KSR1: variants seen among roughly 807,000 people sequenced by gnomAD.
KSR1 encodes kinase suppressor of ras.
Under a neutral mutation model 92.9 loss-of-function variants are expected in KSR1, and 35 were observed. That is an observed-to-expected ratio of 0.38 (90% confidence interval 0.29 to 0.50). The LOEUF is 0.50. KSR1 is among the 20% of genes least tolerant of loss of function. The probability of loss-of-function intolerance (pLI) is 0.94; values close to 1 mark genes in which losing one functional copy is unlikely to be tolerated. For synonymous variants in KSR1, 467 were observed against 472.6 expected (o/e 0.99, Z 0.15); for missense variants, 972 against 1,158.5 (o/e 0.84, Z 2.34).
intron 19 of KSR1, among the ~76,000 whole-genome samples, chr17:27,620,000 C>T (rs561298938): frequency 5.3e-5 from 8 of 152,324 alleles, no homozygotes; most frequent in Non-Finnish European, 1.0e-4. Context: ...GCCCGGCCTT[C>T]GGGCCCTGTC....
At chr17:27,499,038 G>C (rs945135651) in intron 1 of KSR1, among the ~76,000 whole-genome samples, 2 of 152,188 alleles carry the variant, frequency 1.3e-5, no homozygotes, top group African/African-American at 4.8e-5. Context: ...GCACCAGCCT[G>C]TTGGTTTTAG....
chr17:27,466,049 CTGCGGATGAGG>C (rs1291693911), intron 1 of KSR1, among the ~76,000 whole-genome samples: 2 of 152,234 alleles, frequency 1.3e-5, no homozygotes, highest in East Asian at 3.9e-4. Context: ...CTGAAGATCC[CTGCGGATGAGG>C]ATTTGTGTTT....
rs1366134401 is a variant in KSR1, at chr17:27,625,713, C to G, written c.*2321C>G. On this transcript the variant is annotated 3_prime_UTR_variant, in exon 21 of 21. Coordinates refer to ENST00000644974, the MANE Select transcript of KSR1 (RefSeq NM_001394583.1). ...TGTGCTCTCTCCACACGAAGGATGA[C>G]AGATACTGTGAATTCAGCCCTCACG... 5 of 152,116 alleles carry G rather than the reference C, an allele frequency of 3.3e-5. No individual in the cohort carries two copies. The highest frequency in any genetic ancestry group is 1.2e-4 in the African/African-American group (5 of 41,390). The allele number at this position is 152,116 out of a possible 1,614,324, so 9.4% of individuals were successfully genotyped here. A position where few individuals can be genotyped will look rare whatever the true frequency, so the allele number is the denominator to read the frequency against.
In KSR1 at chr17:27,613,344, G is replaced by A. The variant is rs576125470; in HGVS notation, c.2493+1715G>A. On this transcript the variant is annotated intron_variant, in intron 18 of 20. Transcript: ENST00000644974. ...GCTAAAATCCAGGTTCTTGTCTCAT[G>A]ACCAGGAAAAATTAGGCATGCGGAC... 4 of 152,396 alleles carry A rather than the reference G, an allele frequency of 2.6e-5. No homozygotes were observed. The East Asian group carries it at 7.7e-4, about 29-fold the overall frequency. The allele number at this position is 152,396 out of a possible 1,614,324, so 9.4% of individuals were successfully genotyped here.
intron 1 of KSR1, among the ~76,000 whole-genome samples, chr17:27,464,304 G>T (rs956290933): frequency 1.2e-4 from 18 of 152,226 alleles, no homozygotes; most frequent in African/African-American, 4.3e-4. Flanking sequence ...TGCTCAGTGG[G>T]CTGGCTCAGC....
chr17:27,586,795 T>G (rs1343836502), intron 5 of KSR1, among the ~76,000 whole-genome samples: 1 of 152,228 alleles, frequency 6.6e-6, no homozygotes, highest in Non-Finnish European at 1.5e-5. Flanking sequence ...AGGTGGCTTT[T>G]GGGGCTAATT....
intron 1 of KSR1, among the ~76,000 whole-genome samples, chr17:27,482,578 C>G (rs770677656): frequency 1.4e-4 from 22 of 152,186 alleles, no homozygotes; most frequent in Non-Finnish European, 2.1e-4. Flanking sequence ...TACAAATCAC[C>G]TAAATATCCA....
intron 1 of KSR1, among the ~76,000 whole-genome samples, chr17:27,507,563 C>CT (rs751092460): frequency 0.036 from 1,570 of 43,328 alleles, 586 homozygotes; most frequent in African/African-American, 0.059. Flanking sequence ...TATTGTTTGG[C>CT]TTTTTTTTTT....
At chr17:27,562,754 A>G (rs1166959935) in intron 2 of KSR1, among the ~76,000 whole-genome samples, 1 of 152,226 alleles carries the variant, frequency 6.6e-6, no homozygotes, top group Non-Finnish European at 1.5e-5. Flanking sequence ...AAAAAATAGC[A>G]CATAAATTTC....
At chr17:27,576,625 G>T (rs1262379003) in intron 2 of KSR1, among the ~76,000 whole-genome samples, 1 of 152,204 alleles carries the variant, frequency 6.6e-6, no homozygotes, top group Non-Finnish European at 1.5e-5. Context: ...AGACAGTGTG[G>T]AGACGCTGGA....
At chr17:27,471,852 C>T (rs905895224) in intron 1 of KSR1, among the ~76,000 whole-genome samples, 2 of 152,148 alleles carry the variant, frequency 1.3e-5, no homozygotes, top group East Asian at 1.9e-4. Flanking sequence ...CTCATCAGGC[C>T]GCGCAGCTGA....
chr17:27,464,742 A>G (rs2019605089), intron 1 of KSR1, among the ~76,000 whole-genome samples: 1 of 151,526 alleles, frequency 6.6e-6, no homozygotes, highest in Admixed American at 6.6e-5. Flanking sequence ...ATCCTTGCAG[A>G]TTTTGCATTC....
At chr17:27,592,930 A>G (rs887695850) in intron 9 of KSR1, among the ~76,000 whole-genome samples, 9 of 152,198 alleles carry the variant, frequency 5.9e-5, no homozygotes, top group African/African-American at 2.2e-4. Context: ...TCTGAAGGGT[A>G]CATATGGATC....
intron 2 of KSR1, among the ~76,000 whole-genome samples, chr17:27,554,044 A>G (rs1016002955): frequency 6.6e-6 from 1 of 152,142 alleles, no homozygotes; most frequent in African/African-American, 2.4e-5. Context: ...GCCCTGATGG[A>G]TTCTGTGTGC....
At chr17:27,488,838 C>G (rs2068740696) in intron 1 of KSR1, among the ~76,000 whole-genome samples, 1 of 152,204 alleles carries the variant, frequency 6.6e-6, no homozygotes, top group South Asian at 2.1e-4. Context: ...GTGGCGCATG[C>G]CTGCAGTCCC....
intron 1 of KSR1, among the ~76,000 whole-genome samples, chr17:27,503,503 C>T (rs117920143): frequency 1.7e-3 from 255 of 152,304 alleles, no homozygotes; most frequent in Middle Eastern, 3.4e-3. Flanking sequence ...GTTCGAGATT[C>T]TCTGATCTAA....
At chr17:27,566,188 C>T (rs1282376490) in intron 2 of KSR1, among the ~76,000 whole-genome samples, 1 of 152,108 alleles carries the variant, frequency 6.6e-6, no homozygotes, top group East Asian at 1.9e-4. Flanking sequence ...CAGGGAAAAC[C>T]TCTTGGTGGC....
intron 19 of KSR1, among the ~76,000 whole-genome samples, chr17:27,619,101 G>A (rs1335678280): frequency 6.6e-6 from 1 of 152,134 alleles, no homozygotes; most frequent in Non-Finnish European, 1.5e-5. Flanking sequence ...AGAGTGAGGG[G>A]AAGAGCCTTT....
intron 20 of KSR1, chr17:27,621,926 T>C (rs374979010): frequency 9.9e-6 from 16 of 1,613,650 alleles, no homozygotes; most frequent in Admixed American, 6.7e-5. Flanking sequence ...TTTCCCTCTG[T>C]AGGTTGTAGG....
Sources: allele counts gnomAD v4.1 joint callset (sites outside exome capture counted in the v4.1 genomes callset), GRCh38; gene constraint gnomAD v4.1.1; transcripts MANE v1.5; gene names NCBI Gene and HGNC (gene_info 2026-07-23, HGNC 2026-07-21).